Variants in ANKS3 observed in about 807,000 individuals in gnomAD.
ANKS3 encodes the protein ankyrin repeat and sterile alpha motif domain containing 3, also known as ankyrin repeat and SAM domain-containing protein 3.
ANKS3 carries 62 observed loss-of-function variants against 80.7 expected under a neutral mutation model. The observed-to-expected ratio is 0.77, with a 90% CI of 0.63 to 0.95. The LOEUF (loss-of-function observed/expected upper bound fraction) is 0.95, where lower values mean the gene tolerates loss of function less well. Ranked by LOEUF, ANKS3 falls within the 40% of genes least tolerant of loss-of-function variation. The pLI, the probability that ANKS3 is intolerant of heterozygous loss-of-function variation, is 0.00. For missense variants in ANKS3, 1,150 were observed against 883.6 expected, an observed-to-expected ratio of 1.30 and a Z score of -3.82; for synonymous variants, 489 against 355.3, an observed-to-expected ratio of 1.38 and a Z score of -4.23.
intron 15 of ANKS3, 74 bp from the exon 16 acceptor site, chr16:4,697,490 T>C (rs1044179780): frequency 7.9e-7 from 1 of 1,272,040 alleles, no homozygotes; most frequent in African/African-American, 1.5e-5. Flanking sequence ...TCTGAGCCCA[T>C]GCAACCAGGA....
chr16:4,711,799 T>C (rs1487473709), intron 7 of ANKS3, among the ~76,000 whole-genome samples: 2 of 150,844 alleles, frequency 1.3e-5, no homozygotes, highest in Admixed American at 6.6e-5. Flanking sequence ...TGAAGTGATC[T>C]CTCAGGAAAA....
chr16:4,699,007 G>A (rs2079749958), intron 12 of ANKS3, 45 bp downstream of exon 12: 1 of 1,613,984 alleles, frequency 6.2e-7, no homozygotes, highest in African/African-American at 1.3e-5. Context: ...GTGGGAGTTT[G>A]CCCCAACCCC....
intron 6 of ANKS3, among the ~76,000 whole-genome samples, chr16:4,720,892 G>A (rs2081054555): frequency 1.3e-5 from 2 of 149,996 alleles, no homozygotes; most frequent in African/African-American, 4.9e-5. Flanking sequence ...AGCCGAGATT[G>A]CGCCACTGCA....
chr16:4,698,231 G>C (rs924093191), intron 14 of ANKS3, 169 bp from the exon 15 acceptor site: 2 of 1,113,926 alleles, frequency 1.8e-6, no homozygotes, highest in Non-Finnish European at 2.5e-6. Flanking sequence ...AGGGCGACCG[G>C]TGCAGATTCC....
rs2080121908 is a variant in ANKS3 at position 4,705,229 on chromosome 16, G to A, written c.734C>T (p.Ser245Phe). Residue 245 changes from serine to phenylalanine, a missense_variant, in exon 8 of 18, where the codon TCT becomes TTT. By Grantham distance (155) the Ser-to-Phe change is radical (BLOSUM62 -2). Transcript: ENST00000304283. ...SPEKYEDLSS[S>F]DESCPAPQRQ... is the part of the protein sequence containing the mutation. ...CTGAGGAGCAGGGCAGGACTCGTCA[G>A]AAGAGCTCAGATCTTCGTACTTTTC... 3 of 1,613,898 alleles carry A rather than the reference G, an allele frequency of 1.9e-6. No individual in the cohort carries two copies. Among genetic ancestry groups the A allele is most frequent in the East Asian group, 4.5e-5 (2 of 44,898 alleles).
At chr16:4,703,288 A>AT (rs2080016926) in intron 8 of ANKS3, among the ~76,000 whole-genome samples, 1 of 151,990 alleles carries the variant, frequency 6.6e-6, no homozygotes, top group Non-Finnish European at 1.5e-5. Flanking sequence ...AATTTTCAAA[A>AT]TTTTTTGTAG....
chr16:4,707,982 G>A (rs1342031515), intron 7 of ANKS3, among the ~76,000 whole-genome samples: 1 of 152,138 alleles, frequency 6.6e-6, no homozygotes, highest in Non-Finnish European at 1.5e-5. Flanking sequence ...AGGCGTGGTG[G>A]CAGATGCCTG....
chr16:4,725,986 T>G (rs2081327979), intron 5 of ANKS3, among the ~76,000 whole-genome samples: 2 of 149,794 alleles, frequency 1.3e-5, no homozygotes, highest in Admixed American at 6.7e-5. Flanking sequence ...TTTTGTTTTT[T>G]TTTTTTTGAG....
At chr16:4,697,450 G>C in intron 15 of ANKS3, 34 bp from the exon 16 acceptor site, 1 of 1,529,852 alleles carries the variant, frequency 6.5e-7, no homozygotes, top group African/African-American at 1.4e-5. Flanking sequence ...AGTTAGCTGG[G>C]GGTCTGCGTC....
chr16:4,719,095 G>C (rs926659813), intron 6 of ANKS3, among the ~76,000 whole-genome samples: 5 of 152,160 alleles, frequency 3.3e-5, no homozygotes, highest in African/African-American at 1.2e-4. Context: ...AGCGCTTTGG[G>C]AGGCCAAGGT....
intron 7 of ANKS3, among the ~76,000 whole-genome samples, chr16:4,709,750 C>T (rs999409620): frequency 6.6e-6 from 1 of 152,210 alleles, no homozygotes; most frequent in African/African-American, 2.4e-5. Context: ...GTGACTCACA[C>T]TTGTAATCCC....
At chr16:4,697,460 C>T (rs772595779) in intron 15 of ANKS3, 44 bp from the exon 16 acceptor site, 2 of 1,451,648 alleles carry the variant, frequency 1.4e-6, no homozygotes, top group African/African-American at 1.4e-5. Flanking sequence ...GGGTCTGCGT[C>T]CCCACAGGCC....
Position 4,698,602 on chromosome 16 carries a change from G to A in ANKS3, c.1552-3C>T. The A allele has an allele frequency of 6.4e-7, 1 of 1,553,692 alleles. No individual in the cohort carries two copies. On this transcript the variant is annotated splice_polypyrimidine_tract_variant and splice_region_variant and intron_variant, in intron 13 of 17. Transcript: ENST00000304283. ...GTGGCCTCTACCTCCTCGCAGCGCT[G>A]CAGGGGGGTGGGGGGCGCGGGGAGG...
chr16:4,704,751 G>A (rs1027499459), intron 8 of ANKS3, among the ~76,000 whole-genome samples: 3 of 152,180 alleles, frequency 2.0e-5, no homozygotes, highest in African/African-American at 7.2e-5. Flanking sequence ...TGAACTTCAC[G>A]CTTTGCCTCC....
In ANKS3 at chr16:4,697,248, C is replaced by A. The variant is rs1333278767; in HGVS notation, c.1894+85G>T. On this transcript the variant is annotated intron_variant, in intron 16 of 17. Transcript: ENST00000304283. ...AGGTCAGCCTTGGGGTAGAGAGACA[C>A]AAACCCGCTTTCCCTGGAAAGGGGT... 5 of 1,546,244 alleles carry A rather than the reference C, an allele frequency of 3.2e-6. No individual in the cohort carries two copies. The Admixed American group carries it at 5.3e-5, about 16-fold the overall frequency.
At chr16:4,711,640 C>A (rs1464684695) in intron 7 of ANKS3, among the ~76,000 whole-genome samples, 8 of 150,890 alleles carry the variant, frequency 5.3e-5, no homozygotes, top group African/African-American at 1.9e-4. Context: ...ATCACTTGAA[C>A]CCGGGAGGCA....
intron 8 of ANKS3, among the ~76,000 whole-genome samples, chr16:4,703,463 C>T (rs1596361140): frequency 6.8e-6 from 1 of 146,340 alleles, no homozygotes; most frequent in African/African-American, 2.5e-5. Context: ...GCTCTGTCAC[C>T]AGACTGGAGT....
chr16:4,705,393 A>G (rs1168513636), intron 7 of ANKS3, 140 bp from the exon 8 acceptor site: 4 of 1,047,140 alleles, frequency 3.8e-6, no homozygotes, highest in Non-Finnish European at 5.5e-6. Context: ...ATCACTTCTG[A>G]GAAATGCCCT....
chr16:4,696,742 G>A lies in ANKS3; in HGVS notation c.*166C>T, dbSNP rs190633878. 18 of 514,816 alleles carry A rather than the reference G, an allele frequency of 3.5e-5. No individual in the cohort carries two copies. The highest frequency in any genetic ancestry group is 9.8e-5 in the Admixed American group (3 of 30,624). The allele number at this position is 514,816 out of a possible 1,614,324, so 31.9% of individuals were successfully genotyped here. ...TGGCCCGAGCTGCCGAGCCAGGGCC[G>A]CAGCCCCCGTCTTGCCTCTGTCTGC... On this transcript the variant is annotated 3_prime_UTR_variant, in exon 18 of 18. Coordinates refer to ENST00000304283, the MANE Select transcript of ANKS3 (RefSeq NM_133450.4).
Sources: allele counts gnomAD v4.1 joint callset (sites outside exome capture counted in the v4.1 genomes callset), GRCh38; gene constraint gnomAD v4.1.1; transcripts MANE v1.5; gene names NCBI Gene and HGNC (gene_info 2026-07-23, HGNC 2026-07-21).